BCL11B: variants seen among roughly 807,000 people sequenced by gnomAD.
The protein encoded by BCL11B is BCL11 transcription factor B, also known as B-cell lymphoma/leukemia 11B.
BCL11B carries 8 observed loss-of-function variants against 49.9 expected under a neutral mutation model. The ratio of observed to expected loss-of-function variants is 0.16; its 90% CI spans 0.09 to 0.29. BCL11B has a LOEUF of 0.29. Among genes scored for constraint, BCL11B ranks in the 10% least tolerant of loss-of-function variants. BCL11B has a pLI of 1.00. For synonymous variants in BCL11B, 739 were observed against 637.4 expected (o/e 1.16, Z -2.40); for missense variants, 1,006 against 1,351.0 (o/e 0.74, Z 4.00).
At chr14:99,246,299 C>T (rs1026253446) in intron 2 of BCL11B, among the ~76,000 whole-genome samples, 6 of 152,224 alleles carry the variant, frequency 3.9e-5, no homozygotes, top group Non-Finnish European at 8.8e-5. Context: ...ATTAAGCCCC[C>T]GAATTATGCA....
intron 2 of BCL11B, among the ~76,000 whole-genome samples, chr14:99,243,864 T>C (rs1377953333): frequency 6.9e-6 from 1 of 143,890 alleles, no homozygotes; most frequent in East Asian, 2.1e-4. Context: ...TATTTCAACA[T>C]GATCCAGCTG....
rs547857983 is a variant in BCL11B, at chr14:99,196,499, A to G, written c.641-20304T>C. Among the ~76,000 whole-genome samples the G allele has an allele frequency of 8.0e-4, 121 of 150,776 alleles. 1 individual carries two copies. Among genetic ancestry groups the G allele is most frequent in the Non-Finnish European group, 1.4e-3 (94 of 67,696 alleles). ...TCAGGGAGATAGCTCCGTGTCCCCA[A>G]CTATCCTGGTCAAAGCTGTTCCCAG... is the stretch of plus-strand genomic sequence containing the variant. On this transcript the variant is annotated intron_variant, in intron 3 of 3. Coordinates refer to ENST00000357195, the MANE Select transcript of BCL11B (RefSeq NM_138576.4).
chr14:99,250,982 T>C (rs891506690), intron 2 of BCL11B, among the ~76,000 whole-genome samples: 1 of 152,126 alleles, frequency 6.6e-6, no homozygotes, highest in African/African-American at 2.4e-5. Flanking sequence ...CACTCTTGAC[T>C]CTGGTTTGCA....
intron 3 of BCL11B, among the ~76,000 whole-genome samples, chr14:99,187,524 G>A (rs568104196): frequency 4.6e-5 from 7 of 152,158 alleles, no homozygotes; most frequent in Admixed American, 3.3e-4. Flanking sequence ...CCCCCACGCC[G>A]CCCAACATGA....
At position 99,175,797 on chromosome 14, in the gene BCL11B, G is replaced by C; in HGVS notation, c.1039C>G (p.Arg347Gly). ...GCCATGGGGTTCAGGCGCATGACTC[G>C]GTCGAAGGCACTGGGGTGCTGGGCG... is the stretch of plus-strand genomic sequence containing the variant. ...LVAQHPSAFD[R>G]VMRLNPMAID... The change falls in exon 4 of 4, where the codon CGA (arginine) becomes GGA (glycine). Residue 347 changes from arginine to glycine, a missense_variant. Arg to Gly is a moderately radical substitution (Grantham distance 125). Around this residue, in one of 6 missense-constraint regions of BCL11B, gnomAD observed 411 missense variants for 542.2 expected, o/e 0.76. Coordinates refer to ENST00000357195, the MANE Select transcript of BCL11B (RefSeq NM_138576.4). 6.8e-7 allele frequency: 1 copy of C among 1,472,228 alleles called. No homozygotes were observed. The highest frequency in any genetic ancestry group is 8.9e-7 in the Non-Finnish European group (1 of 1,121,726). The allele number at this position is 1,472,228 out of a possible 1,614,324, so 91.2% of individuals were successfully genotyped here. A position where few individuals can be genotyped will look rare whatever the true frequency, so the allele number is the denominator to read the frequency against.
intron 3 of BCL11B, among the ~76,000 whole-genome samples, chr14:99,209,978 C>A (rs376647903): frequency 5.3e-5 from 8 of 152,216 alleles, no homozygotes; most frequent in African/African-American, 1.9e-4. Context: ...CCGAGACTCT[C>A]ATCAAGGGCT....
At chr14:99,219,748 C>T (rs756280452) in intron 3 of BCL11B, among the ~76,000 whole-genome samples, 2 of 151,720 alleles carry the variant, frequency 1.3e-5, no homozygotes, top group Admixed American at 6.6e-5. Flanking sequence ...AATTTTCTTC[C>T]CCAAGCTATC....
At chr14:99,177,231 GA>G (rs1179489266) in intron 3 of BCL11B, among the ~76,000 whole-genome samples, 1 of 152,032 alleles carries the variant, frequency 6.6e-6, no homozygotes, top group Non-Finnish European at 1.5e-5. Flanking sequence ...ACTAAGCAAT[GA>G]AAGAACATCC....
intron 3 of BCL11B, among the ~76,000 whole-genome samples, chr14:99,226,348 C>T (rs537684870): frequency 3.3e-5 from 5 of 152,308 alleles, no homozygotes; most frequent in East Asian, 1.9e-4. Flanking sequence ...CGCTCACTCA[C>T]ACGGTTCTTT....
chr14:99,215,456 T>C (rs900823927), intron 3 of BCL11B, among the ~76,000 whole-genome samples: 1 of 152,210 alleles, frequency 6.6e-6, no homozygotes, highest in African/African-American at 2.4e-5. Flanking sequence ...GAGAATCGGC[T>C]GGCCGTGAAA....
At chr14:99,259,132 G>A (rs1214583824) in intron 1 of BCL11B, among the ~76,000 whole-genome samples, 7 of 152,244 alleles carry the variant, frequency 4.6e-5, no homozygotes, top group East Asian at 3.9e-4. Context: ...CACGAGTGGC[G>A]GGGTCTTCAG....
chr14:99,229,119 AATGGATGGATGGATGGATGG>A (rs5810933), intron 3 of BCL11B, among the ~76,000 whole-genome samples: 1 of 137,922 alleles, frequency 7.3e-6, no homozygotes, highest in Non-Finnish European at 1.5e-5. Flanking sequence ...TACAGGGATG[AATGGATGGATGGATGGATGG>A]ATGGATGGAT....
At position 99,184,166 on chromosome 14, in the gene BCL11B, G is replaced by A. The variant is rs990229958; in HGVS notation, c.641-7971C>T. ...GCACACACCCATGAGCTGCCCACTCGCCCTCTCGGTGCCTCCCTTTGGGCA... is the reference window on the plus strand; with the variant it reads ...GCACACACCCATGAGCTGCCCACTCACCCTCTCGGTGCCTCCCTTTGGGCA... On this transcript the variant is annotated intron_variant, in intron 3 of 3. Transcript: ENST00000357195. The surrounding 1 kb of genome is among the most constrained non-coding windows in gnomAD (Gnocchi z 6.1). Among the ~76,000 whole-genome samples the A allele has an allele frequency of 1.1e-4, 16 of 152,018 alleles. No homozygotes were observed. Among genetic ancestry groups the A allele is most frequent in the African/African-American group, 3.6e-4 (15 of 41,382 alleles).
chr14:99,202,630 C>G (rs1887419107), intron 3 of BCL11B, among the ~76,000 whole-genome samples: 1 of 152,180 alleles, frequency 6.6e-6, no homozygotes, highest in African/African-American at 2.4e-5. Flanking sequence ...GGAGGCAGGG[C>G]CCACAGAGCC....
At chr14:99,227,081 C>T (rs1262643988) in intron 3 of BCL11B, among the ~76,000 whole-genome samples, 1 of 152,198 alleles carries the variant, frequency 6.6e-6, no homozygotes, top group Non-Finnish European at 1.5e-5. Context: ...TGGCTGATGA[C>T]CATTTGCAGC....
chr14:99,267,895 G>A (rs1000867203), intron 1 of BCL11B, among the ~76,000 whole-genome samples: 6 of 152,122 alleles, frequency 3.9e-5, no homozygotes, highest in African/African-American at 1.2e-4. Flanking sequence ...AGTTTACCGT[G>A]GACATCTTAT....
Position 99,271,326 on chromosome 14 carries a change from C to CGCT in BCL11B, c.-109_-108insAGC. 1 of 760,244 alleles carries CGCT rather than the reference C, an allele frequency of 1.3e-6. No individual in the cohort carries two copies. Among genetic ancestry groups the CGCT allele is most frequent in the Non-Finnish European group, 1.7e-6 (1 of 572,046 alleles). 47.1% of individuals were successfully genotyped at this position (760,244 alleles called of 1,614,324 possible). On this transcript the variant is annotated 5_prime_UTR_variant, in exon 1 of 4. Transcript: ENST00000357195. ...CCGCTGCCGCCGCTGCCGCCGCCGC[C>CGCT]GCCGCCGCCGCACCTCCTCCTCTGC...
intron 1 of BCL11B, among the ~76,000 whole-genome samples, chr14:99,258,905 G>T (rs948464673): frequency 1.3e-5 from 2 of 149,534 alleles, no homozygotes; most frequent in East Asian, 4.0e-4. Context: ...TTTTTTTTGT[G>T]GGGGAGAGAG....
chr14:99,255,797 C>T (rs993295548), intron 2 of BCL11B, among the ~76,000 whole-genome samples: 8 of 152,342 alleles, frequency 5.3e-5, no homozygotes, highest in Admixed American at 2.0e-4. Context: ...GGTGAAGAGA[C>T]GCTGCTCAGG....
Sources: allele counts gnomAD v4.1 joint callset (sites outside exome capture counted in the v4.1 genomes callset), GRCh38; gene constraint gnomAD v4.1.1; regional missense constraint gnomAD v4.1.1; non-coding constraint Gnocchi (gnomAD v3.1); transcripts MANE v1.5; gene names NCBI Gene and HGNC (gene_info 2026-07-23, HGNC 2026-07-21).